EPM2A: variants seen among roughly 807,000 people sequenced by gnomAD.
EPM2A encodes EPM2A glucan phosphatase, laforin.
A neutral mutation model predicts 26.5 loss-of-function variants in EPM2A; 21 were observed. That is an observed-to-expected ratio of 0.79 (90% CI 0.56 to 1.14). The LOEUF (loss-of-function observed/expected upper bound fraction) is 1.14, where lower values mean the gene tolerates loss of function less well. EPM2A is among the 50% of genes most tolerant of loss of function. The probability of loss-of-function intolerance (pLI) is 0.00; values close to 1 mark genes in which losing one functional copy is unlikely to be tolerated. For missense variants in EPM2A, 458 were observed against 440.8 expected, an observed-to-expected ratio of 1.04 and a Z score of -0.35; for synonymous variants, 217 against 177.6, an observed-to-expected ratio of 1.22 and a Z score of -1.76.
At chr6:145,595,482 T>A (rs1232772835) in intron 2 of EPM2A, among the ~76,000 whole-genome samples, 2 of 116,032 alleles carry the variant, frequency 1.7e-5, no homozygotes, top group Non-Finnish European at 3.6e-5. Flanking sequence ...CAGAAAAAAT[T>A]TATATTGATT....
intron 4 of EPM2A, among the ~76,000 whole-genome samples, chr6:145,458,343 T>C (rs768023959): frequency 6.6e-6 from 1 of 152,206 alleles, no homozygotes; most frequent in Non-Finnish European, 1.5e-5. Flanking sequence ...TCAGTATTTC[T>C]GTGCTTGAAG....
At chr6:145,551,330 G>T (rs1041784422) in intron 2 of EPM2A, among the ~76,000 whole-genome samples, 5 of 152,090 alleles carry the variant, frequency 3.3e-5, no homozygotes, top group African/African-American at 1.2e-4. Flanking sequence ...GGCTGACTTT[G>T]CCCTGAGGAT....
chr6:145,674,623 C>A (rs932966616), intron 2 of EPM2A, among the ~76,000 whole-genome samples: 1 of 151,984 alleles, frequency 6.6e-6, no homozygotes, highest in Non-Finnish European at 1.5e-5. Flanking sequence ...AACCATGGCA[C>A]GAGAACCTTG....
intron 2 of EPM2A, among the ~76,000 whole-genome samples, chr6:145,504,180 G>A (rs1443710154): frequency 1.1e-4 from 15 of 132,384 alleles, no homozygotes; most frequent in East Asian, 5.1e-4. Flanking sequence ...GGACATAGGC[G>A]TGGGCAAGGA....
chr6:145,684,286 T>C (rs909270173), intron 2 of EPM2A, among the ~76,000 whole-genome samples: 2 of 152,046 alleles, frequency 1.3e-5, no homozygotes, highest in Non-Finnish European at 2.9e-5. Flanking sequence ...GTGTCTCTAA[T>C]GACAAAGAGC....
intron 4 of EPM2A, among the ~76,000 whole-genome samples, chr6:145,451,686 T>C (rs1439069021): frequency 3.9e-5 from 6 of 152,244 alleles, no homozygotes; most frequent in Non-Finnish European, 5.9e-5. Flanking sequence ...CTAAATATTT[T>C]TGGGTTTAGA....
chr6:145,522,276 T>C (rs1304244246), intron 2 of EPM2A, among the ~76,000 whole-genome samples: 2 of 152,152 alleles, frequency 1.3e-5, no homozygotes, highest in African/African-American at 4.8e-5. Context: ...TTTATAACTT[T>C]CTGTCTACAC....
intron 4 of EPM2A, among the ~76,000 whole-genome samples, chr6:145,495,850 C>T (rs1333977536): frequency 1.3e-5 from 2 of 152,338 alleles, no homozygotes; most frequent in East Asian, 3.9e-4. Context: ...GTTGGGATTA[C>T]AGGCGTGAGC....
At chr6:145,479,294 T>C (rs1052567173) in intron 4 of EPM2A, among the ~76,000 whole-genome samples, 110 of 146,860 alleles carry the variant, frequency 7.5e-4, no homozygotes, top group Middle Eastern at 3.6e-3. Context: ...ATGATTTAAC[T>C]ATATATATAT....
intron 1 of EPM2A, among the ~76,000 whole-genome samples, chr6:145,688,488 T>C (rs1284327329): frequency 6.6e-6 from 1 of 152,170 alleles, no homozygotes; most frequent in African/African-American, 2.4e-5. Flanking sequence ...TAAGGAAAGA[T>C]CATCTATCTA....
At chr6:145,662,735 G>T (rs1778819359) in intron 2 of EPM2A, among the ~76,000 whole-genome samples, 1 of 152,178 alleles carries the variant, frequency 6.6e-6, no homozygotes, top group Admixed American at 6.5e-5. Flanking sequence ...TCAGATATCA[G>T]TTGAGGATAA....
At chr6:145,460,166 A>T (rs1779312032) in intron 4 of EPM2A, among the ~76,000 whole-genome samples, 1 of 152,190 alleles carries the variant, frequency 6.6e-6, no homozygotes, top group Non-Finnish European at 1.5e-5. Flanking sequence ...CTTTAGCTAT[A>T]AAGGAGTTGA....
intron 2 of EPM2A, among the ~76,000 whole-genome samples, chr6:145,512,236 T>G (rs1413513954): frequency 6.6e-6 from 1 of 152,038 alleles, no homozygotes; most frequent in Non-Finnish European, 1.5e-5. Flanking sequence ...TTCCACAGAA[T>G]TAGAAAAAAA....
chr6:145,532,139 A>G (rs2114784731), intron 2 of EPM2A, among the ~76,000 whole-genome samples: 2 of 152,342 alleles, frequency 1.3e-5, no homozygotes, highest in South Asian at 4.1e-4. Context: ...AACCCGGAAT[A>G]AGAACAATGA....
downstream of EPM2A, among the ~76,000 whole-genome samples, chr6:145,499,539 G>C (rs1779861551): frequency 6.6e-6 from 1 of 152,122 alleles, no homozygotes; most frequent in South Asian, 2.1e-4. Context: ...TTTCTTAAGG[G>C]CAGCATTCAA....
chr6:145,539,319 T>G (rs1446483384), intron 2 of EPM2A, among the ~76,000 whole-genome samples: 1 of 152,228 alleles, frequency 6.6e-6, no homozygotes, highest in Admixed American at 6.5e-5. Context: ...TCAGTACCTG[T>G]TTATATGTAA....
At chr6:145,488,762 T>C (rs1229363047) in intron 4 of EPM2A, among the ~76,000 whole-genome samples, 1 of 152,148 alleles carries the variant, frequency 6.6e-6, no homozygotes, top group Non-Finnish European at 1.5e-5. Context: ...TTTTAAATGA[T>C]GCTCATCTTT....
chr6:145,434,245 CT>C (rs551809295), intron 4 of EPM2A, among the ~76,000 whole-genome samples: 7 of 150,060 alleles, frequency 4.7e-5, no homozygotes, highest in Admixed American at 6.6e-5. Flanking sequence ...GTTTTCTTCT[CT>C]TTTTTTTATC....
intron 2 of EPM2A, chr6:145,640,048 T>C (rs1333782296): frequency 6.6e-6 from 1 of 152,192 alleles, no homozygotes; most frequent in African/African-American, 2.4e-5. Flanking sequence ...TGAATCTGGA[T>C]TTGTGGTTCC....
Sources: gnomAD v4.1 joint callset for allele counts (sites outside exome capture counted in the v4.1 genomes callset) on GRCh38, gnomAD v4.1.1 for gene constraint, MANE v1.5 for transcripts, NCBI Gene and HGNC (gene_info 2026-07-23, HGNC 2026-07-21) for gene names.